ATF6: variants seen among roughly 807,000 people sequenced by gnomAD.
The protein encoded by ATF6 is cyclic AMP-dependent transcription factor ATF-6 alpha.
A neutral mutation model predicts 83.6 loss-of-function variants in ATF6; 53 were observed. The ratio of observed to expected loss-of-function variants is 0.63; its 90% CI spans 0.51 to 0.80. The LOEUF is 0.80. ATF6 is among the 30% of genes least tolerant of loss of function. The pLI is 0.00. For missense variants in ATF6, 744 were observed against 797.9 expected (o/e 0.93, Z 0.81); for synonymous variants, 288 against 285.8 (o/e 1.01, Z -0.08).
chr1:161,915,678 C>G (rs1688083462), intron 15 of ATF6, among the ~76,000 whole-genome samples: 1 of 150,940 alleles, frequency 6.6e-6, no homozygotes, highest in Admixed American at 6.6e-5. Context: ...GGCTGGGGTA[C>G]AATGGCGTGA....
At chr1:161,816,539 C>G (rs1685618189) in intron 7 of ATF6, among the ~76,000 whole-genome samples, 1 of 152,198 alleles carries the variant, frequency 6.6e-6, no homozygotes. Flanking sequence ...GTCAACTGAC[C>G]TAAGTTCTAG....
intron 15 of ATF6, among the ~76,000 whole-genome samples, chr1:161,934,156 T>C (rs556095433): frequency 6.6e-6 from 1 of 152,354 alleles, no homozygotes; most frequent in Non-Finnish European, 1.5e-5. Flanking sequence ...GATCCAGTTA[T>C]GACCACCTTG....
intron 6 of ATF6, among the ~76,000 whole-genome samples, chr1:161,798,089 A>G (rs1557965763): frequency 6.6e-6 from 1 of 152,206 alleles, no homozygotes; most frequent in South Asian, 2.1e-4. Context: ...AAATGGTGGT[A>G]AGATAACTGG....
chr1:161,898,028 G>A (rs1687710393), intron 14 of ATF6, among the ~76,000 whole-genome samples: 1 of 152,152 alleles, frequency 6.6e-6, no homozygotes, highest in Non-Finnish European at 1.5e-5. Context: ...TTTTGGAGAT[G>A]TGGGTTTCCA....
intron 10 of ATF6, among the ~76,000 whole-genome samples, chr1:161,847,844 G>C (rs1686520259): frequency 6.6e-6 from 1 of 152,076 alleles, no homozygotes; most frequent in African/African-American, 2.4e-5. Flanking sequence ...TTGAATGCTT[G>C]AAATTACAGT....
intron 10 of ATF6, among the ~76,000 whole-genome samples, chr1:161,848,906 C>G (rs891475221): frequency 1.3e-5 from 2 of 151,236 alleles, no homozygotes; most frequent in Non-Finnish European, 2.9e-5. Flanking sequence ...CCACCCAATC[C>G]TTGTCCTGGT....
At chr1:161,799,242 C>T (rs1183207663) in intron 6 of ATF6, among the ~76,000 whole-genome samples, 1 of 152,148 alleles carries the variant, frequency 6.6e-6, no homozygotes, top group Non-Finnish European at 1.5e-5. Context: ...TTCAATACTA[C>T]ACAGCCATAA....
chr1:161,913,396 ATTTAGTC>A (rs1688030237), intron 15 of ATF6, among the ~76,000 whole-genome samples: 1 of 152,226 alleles, frequency 6.6e-6, no homozygotes, highest in Non-Finnish European at 1.5e-5. Context: ...TTTCAATAAA[ATTTAGTC>A]TTTAGGGGAA....
In ATF6 at chr1:161,960,155, T is replaced by C. The variant is rs1689069758; in HGVS notation, c.*1501T>C. 6.6e-6 allele frequency: 1 copy of C among 152,108 alleles called. No homozygotes were observed. The highest frequency in any genetic ancestry group is 2.4e-5 in the African/African-American group (1 of 41,408). The allele number at this position is 152,108 out of a possible 1,614,324, so 9.4% of individuals were successfully genotyped here. ...CCTCTTTTTTCACCATAGTAGACAA[T>C]TATGTTTCATTTGATGAATTCATAG... On this transcript the variant is annotated 3_prime_UTR_variant, in exon 16 of 16. Coordinates refer to ENST00000367942, the MANE Select transcript of ATF6 (RefSeq NM_007348.4).
chr1:161,851,960 CTG>C, intron 11 of ATF6, 125 bp downstream of exon 11: 1 of 699,246 alleles, frequency 1.4e-6, no homozygotes, highest in Non-Finnish European at 2.5e-6. Context: ...TTGTGGATAA[CTG>C]TAGGCATATT....
intron 7 of ATF6, among the ~76,000 whole-genome samples, chr1:161,813,989 A>T (rs1442874362): frequency 6.6e-6 from 1 of 151,662 alleles, no homozygotes; most frequent in African/African-American, 2.4e-5. Context: ...GGTTCAAGCA[A>T]TTCTCCTGCC....
At chr1:161,863,581 G>A (rs768034865) in intron 14 of ATF6, among the ~76,000 whole-genome samples, 7 of 152,270 alleles carry the variant, frequency 4.6e-5, no homozygotes, top group Non-Finnish European at 7.4e-5. Context: ...TTGTAATCCT[G>A]ATAGCCATGC....
intron 1 of ATF6, among the ~76,000 whole-genome samples, chr1:161,773,694 G>A (rs1684452077): frequency 1.3e-5 from 2 of 152,204 alleles, no homozygotes; most frequent in African/African-American, 4.8e-5. Context: ...AGGTGGGAAA[G>A]TTTGTTGAGT....
At chr1:161,889,807 G>A (rs1041231344) in intron 14 of ATF6, among the ~76,000 whole-genome samples, 1 of 152,202 alleles carries the variant, frequency 6.6e-6, no homozygotes, top group Non-Finnish European at 1.5e-5. Context: ...TATTTCAGGG[G>A]AAGGAAAATG....
At chr1:161,774,037 C>G (rs531923882) in intron 1 of ATF6, among the ~76,000 whole-genome samples, 37 of 152,260 alleles carry the variant, frequency 2.4e-4, no homozygotes, top group African/African-American at 8.9e-4. Context: ...TTTTTCACAT[C>G]TGAAAGTGGG....
At chr1:161,809,210 A>G (rs1685387178) in intron 7 of ATF6, among the ~76,000 whole-genome samples, 1 of 149,796 alleles carries the variant, frequency 6.7e-6, no homozygotes, top group African/African-American at 2.5e-5. Flanking sequence ...CAACCCCACG[A>G]CAGGCCCTGG....
chr1:161,828,112 GT>G (rs887971021), intron 9 of ATF6, among the ~76,000 whole-genome samples: 1 of 151,386 alleles, frequency 6.6e-6, no homozygotes, highest in African/African-American at 2.4e-5. Flanking sequence ...TTTAACCCAG[GT>G]TTTTTTTCTT....
chr1:161,820,924 A>ATT (rs79406872), intron 8 of ATF6, 146 bp from the exon 9 acceptor site: 29,962 of 355,588 alleles, frequency 0.084, 1,507 homozygotes, highest in Admixed American at 0.25. Flanking sequence ...CTCACCTTTG[A>ATT]TTTTTTTTTT....
intron 7 of ATF6, among the ~76,000 whole-genome samples, chr1:161,805,339 T>C (rs1466037707): frequency 6.6e-6 from 1 of 152,192 alleles, no homozygotes; most frequent in Non-Finnish European, 1.5e-5. Flanking sequence ...TTGACAGGAT[T>C]ATAAAGAAAG....
Sources: allele counts gnomAD v4.1 joint callset (sites outside exome capture counted in the v4.1 genomes callset), GRCh38; gene constraint gnomAD v4.1.1; transcripts MANE v1.5; gene names NCBI Gene and HGNC (gene_info 2026-07-23, HGNC 2026-07-21).